Variants in CDIN1 observed in about 807,000 individuals in gnomAD.
CDIN1 encodes the protein CDAN1 interacting nuclease 1, also known as CDAN1-interacting nuclease 1.
In CDIN1, 33 loss-of-function variants were observed where a neutral mutation model predicts 45.3. The ratio of observed to expected loss-of-function variants is 0.73; its 90% CI spans 0.55 to 0.97. The LOEUF is 0.97. Ranked by LOEUF, CDIN1 falls within the 50% of genes least tolerant of loss-of-function variation. CDIN1 has a pLI of 0.00. For missense variants in CDIN1, 303 were observed against 339.4 expected (o/e 0.89, Z 0.84); for synonymous variants, 118 against 124.4 (o/e 0.95, Z 0.34).
intron 8 of CDIN1, 67 bp downstream of exon 8, chr15:36,697,457 A>C: frequency 1.6e-6 from 2 of 1,268,842 alleles, no homozygotes; most frequent in Non-Finnish European, 2.2e-6. Context: ...ATATTTTAAA[A>C]ATCTTCCACT....
At chr15:36,637,634 G>T (rs1595400964) in intron 1 of CDIN1, among the ~76,000 whole-genome samples, 1 of 152,188 alleles carries the variant, frequency 6.6e-6, no homozygotes, top group Non-Finnish European at 1.5e-5. Flanking sequence ...CATCAGAAAT[G>T]CGTGTGAATG....
At chr15:36,632,146 T>C (rs577708530) in intron 1 of CDIN1, among the ~76,000 whole-genome samples, 3 of 152,308 alleles carry the variant, frequency 2.0e-5, no homozygotes, top group African/African-American at 7.2e-5. Flanking sequence ...TAACTCTGTA[T>C]TTAGTATGTT....
intron 1 of CDIN1, among the ~76,000 whole-genome samples, chr15:36,624,320 G>T (rs925021862): frequency 2.0e-5 from 3 of 152,126 alleles, no homozygotes; most frequent in African/African-American, 7.2e-5. Context: ...CTGACAAAAG[G>T]ATTTGATTGT....
At chr15:36,633,339 C>T (rs138876129) in intron 1 of CDIN1, among the ~76,000 whole-genome samples, 1,670 of 152,220 alleles carry the variant, frequency 0.011, 18 homozygotes, top group Non-Finnish European at 0.017. Flanking sequence ...TTTCTTTCCT[C>T]TTCTCTGTCA....
At chr15:36,638,645 T>A (rs914281589) in intron 1 of CDIN1, among the ~76,000 whole-genome samples, 2 of 152,240 alleles carry the variant, frequency 1.3e-5, no homozygotes, top group Non-Finnish European at 2.9e-5. Flanking sequence ...CAGTAGTTCC[T>A]TTATCTTTAA....
chr15:36,630,283 A>G (rs1446078129), intron 1 of CDIN1, among the ~76,000 whole-genome samples: 1 of 152,186 alleles, frequency 6.6e-6, no homozygotes, highest in East Asian at 1.9e-4. Flanking sequence ...ATGGGTTATT[A>G]TTATTAGGAC....
intron 1 of CDIN1, chr15:36,626,635 C>A: frequency 3.1e-6 from 1 of 321,242 alleles, no homozygotes; most frequent in Non-Finnish European, 6.0e-6. Flanking sequence ...GCAGTTTCTT[C>A]TCTTTTGGGC....
intron 10 of CDIN1, among the ~76,000 whole-genome samples, chr15:36,796,440 A>G (rs747790654): frequency 3.3e-5 from 5 of 152,198 alleles, no homozygotes; most frequent in Non-Finnish European, 7.3e-5. Flanking sequence ...AGGGAACCAA[A>G]TAGAAAAAAA....
At chr15:36,655,337 T>G (rs949504118) in intron 4 of CDIN1, among the ~76,000 whole-genome samples, 1 of 117,564 alleles carries the variant, frequency 8.5e-6, no homozygotes, top group Admixed American at 8.8e-5. Flanking sequence ...TTTTTTTTTT[T>G]CTTTTTTTGA....
chr15:36,620,507 T>C (rs1323230026), intron 1 of CDIN1, among the ~76,000 whole-genome samples: 2 of 152,212 alleles, frequency 1.3e-5, no homozygotes, highest in Non-Finnish European at 2.9e-5. Context: ...TGTTATTCTC[T>C]GTTCTTTGAC....
chr15:36,770,326 A>G (rs901593683), intron 10 of CDIN1, among the ~76,000 whole-genome samples: 2 of 151,996 alleles, frequency 1.3e-5, no homozygotes, highest in East Asian at 1.9e-4. Flanking sequence ...GCAAAAAAAA[A>G]GGGGAAAGGG....
chr15:36,798,754 C>T (rs755360750), intron 10 of CDIN1: 7 of 152,232 alleles, frequency 4.6e-5, no homozygotes, highest in Middle Eastern at 3.4e-3. Context: ...CCTCCATTAG[C>T]GAATAATTAA....
chr15:36,724,019 C>G (rs1053429970), intron 10 of CDIN1, among the ~76,000 whole-genome samples: 1 of 152,194 alleles, frequency 6.6e-6, no homozygotes, highest in African/African-American at 2.4e-5. Context: ...CTCTAATCCA[C>G]ATAACAGTCC....
intron 10 of CDIN1, among the ~76,000 whole-genome samples, chr15:36,712,431 A>G (rs920808902): frequency 6.6e-6 from 1 of 151,870 alleles, no homozygotes; most frequent in African/African-American, 2.4e-5. Context: ...ACTCCCGGCT[A>G]ATTTTTGTGT....
At chr15:36,581,443 T>C (rs1335350693) in intron 1 of CDIN1, among the ~76,000 whole-genome samples, 1 of 152,220 alleles carries the variant, frequency 6.6e-6, no homozygotes, top group Non-Finnish European at 1.5e-5. Context: ...TCTCTTATGC[T>C]CTTTTCTTTC....
At chr15:36,619,211 A>C in intron 1 of CDIN1, 2 of 1,316,238 alleles carry the variant, frequency 1.5e-6, no homozygotes, top group Non-Finnish European at 2.1e-6. Flanking sequence ...GCTATACCTC[A>C]GGGAGTGACA....
At chr15:36,615,290 AT>A (rs1485870544) in intron 1 of CDIN1, among the ~76,000 whole-genome samples, 1 of 151,994 alleles carries the variant, frequency 6.6e-6, no homozygotes, top group African/African-American at 2.4e-5. Context: ...CCCAGTGCCC[AT>A]TTTCTGGTAA....
intron 1 of CDIN1, among the ~76,000 whole-genome samples, chr15:36,607,697 C>A (rs2038444371): frequency 6.6e-6 from 1 of 152,070 alleles, no homozygotes; most frequent in South Asian, 2.1e-4. Context: ...TCAATTATAA[C>A]CTGTTATGGA....
At chr15:36,750,014 C>G (rs1483339350) in intron 10 of CDIN1, among the ~76,000 whole-genome samples, 5 of 152,066 alleles carry the variant, frequency 3.3e-5, no homozygotes, top group African/African-American at 1.2e-4. Context: ...TTTGAAACTC[C>G]AGACCCAGTC....
Sources: allele counts gnomAD v4.1 joint callset (sites outside exome capture counted in the v4.1 genomes callset), GRCh38; gene constraint gnomAD v4.1.1; transcripts MANE v1.5; gene names NCBI Gene and HGNC (gene_info 2026-07-23, HGNC 2026-07-21).